Variants in JAKMIP1 observed in about 807,000 individuals in gnomAD.
The protein encoded by JAKMIP1 is janus kinase and microtubule-interacting protein 1.
A neutral mutation model predicts 113.0 loss-of-function variants in JAKMIP1; 33 were observed. The ratio of observed to expected loss-of-function variants is 0.29; its 90% confidence interval spans 0.22 to 0.39. The LOEUF (loss-of-function observed/expected upper bound fraction) is 0.39, where lower values mean the gene tolerates loss of function less well. Among genes scored for constraint, JAKMIP1 ranks in the 10% least tolerant of loss-of-function variants. The pLI is 1.00. For missense variants in JAKMIP1, 813 were observed against 1,080.5 expected (o/e 0.75, Z 3.47); for synonymous variants, 480 against 459.9 (o/e 1.04, Z -0.56).
intron 1 of JAKMIP1, among the ~76,000 whole-genome samples, chr4:6,118,414 A>G (rs1390975558): frequency 6.6e-6 from 1 of 152,038 alleles, no homozygotes; most frequent in Non-Finnish European, 1.5e-5. Flanking sequence ...GACACAGACA[A>G]ATGACATGGA....
At chr4:6,027,568 T>C (rs1336081714) in intron 20 of JAKMIP1, among the ~76,000 whole-genome samples, 1 of 152,128 alleles carries the variant, frequency 6.6e-6, no homozygotes, top group Non-Finnish European at 1.5e-5. Context: ...GAAATGAAGG[T>C]GGCATGAGGC....
intron 1 of JAKMIP1, among the ~76,000 whole-genome samples, chr4:6,120,271 A>T (rs1716511811): frequency 6.6e-6 from 1 of 151,788 alleles, no homozygotes; most frequent in South Asian, 2.1e-4. Flanking sequence ...TGTTTTAAAT[A>T]TCTAAATCCA....
chr4:6,053,842 T>G (rs1715982792), intron 13 of JAKMIP1: 2 of 1,399,282 alleles, frequency 1.4e-6, no homozygotes, highest in African/African-American at 2.9e-5. Flanking sequence ...TAGACTTGGG[T>G]GAGCACGCTC....
chr4:6,149,820 C>T (rs1721342932), intron 1 of JAKMIP1, among the ~76,000 whole-genome samples: 1 of 152,072 alleles, frequency 6.6e-6, no homozygotes, highest in South Asian at 2.1e-4. Context: ...GGCTCGAAAG[C>T]ATCTCAGCAA....
At chr4:6,039,764 C>T (rs1714070308) in intron 18 of JAKMIP1, among the ~76,000 whole-genome samples, 1 of 152,196 alleles carries the variant, frequency 6.6e-6, no homozygotes, top group South Asian at 2.1e-4. Context: ...GCTAGTTGCA[C>T]CGGCCTTCAT....
chr4:6,091,160 T>C (rs1199566058), intron 3 of JAKMIP1, among the ~76,000 whole-genome samples: 1 of 152,336 alleles, frequency 6.6e-6, no homozygotes, highest in Admixed American at 6.5e-5. Context: ...TGTGGGTGAA[T>C]AGGAGAAATG....
chr4:6,110,911 C>T (rs559957123), intron 2 of JAKMIP1, among the ~76,000 whole-genome samples: 1 of 152,064 alleles, frequency 6.6e-6, no homozygotes, highest in South Asian at 2.1e-4. Flanking sequence ...GCCCCAGCCC[C>T]AGCCCCGGAG....
At chr4:6,173,551 G>A (rs148536084) in intron 1 of JAKMIP1, among the ~76,000 whole-genome samples, 1 of 152,262 alleles carries the variant, frequency 6.6e-6, no homozygotes, top group Non-Finnish European at 1.5e-5. Flanking sequence ...ATGTCTTATT[G>A]CAAAATTCCA....
chr4:6,144,092 C>A (rs1720519176), intron 1 of JAKMIP1, among the ~76,000 whole-genome samples: 2 of 152,178 alleles, frequency 1.3e-5, no homozygotes. Context: ...AAACCATAGG[C>A]CTTTCTGGCC....
intron 1 of JAKMIP1, among the ~76,000 whole-genome samples, chr4:6,120,986 G>A (rs1237840277): frequency 6.6e-6 from 1 of 152,180 alleles, no homozygotes; most frequent in East Asian, 1.9e-4. Flanking sequence ...GATCACCTGA[G>A]ATCAGGAGTT....
At chr4:6,062,126 C>T (rs563729417) in intron 10 of JAKMIP1, among the ~76,000 whole-genome samples, 186 bp downstream of exon 10, 9 of 152,366 alleles carry the variant, frequency 5.9e-5, no homozygotes, top group African/African-American at 2.2e-4. Flanking sequence ...AGAGCGCCTG[C>T]CATCACACCG....
At position 6,094,125 on chromosome 4, in the gene JAKMIP1, A is replaced by G. The variant is rs1722483455; in HGVS notation, c.625-8496T>C. Among the ~76,000 whole-genome samples, 1 of 152,060 alleles carries G rather than the reference A, an allele frequency of 6.6e-6. No homozygotes were observed. Among genetic ancestry groups the G allele is most frequent in the African/African-American group, 2.4e-5 (1 of 41,404 alleles). On this transcript the variant is annotated intron_variant, in intron 3 of 20. Transcript: ENST00000409021. This position sits in a 1 kb window ranked among gnomAD's most constrained non-coding sequence, Gnocchi z 4.2. The stretch of plus-strand genomic sequence containing the variant: ...TGGCCCAGCAGGCATCTATATAGGG[A>G]ACATGCATCGAACACATGCCACTGT...
At chr4:6,072,917 A>G (rs1273140420) in intron 8 of JAKMIP1, among the ~76,000 whole-genome samples, 2 of 151,974 alleles carry the variant, frequency 1.3e-5, no homozygotes, top group African/African-American at 4.8e-5. Context: ...TGTCTCTACT[A>G]AAAATACAAA....
At chr4:6,078,402 C>CT (rs11451395) in intron 8 of JAKMIP1, among the ~76,000 whole-genome samples, 49,849 of 130,446 alleles carry the variant, frequency 0.38, 9,510 homozygotes, top group East Asian at 0.6. Flanking sequence ...GCAAACTATG[C>CT]TTTTTTTTTT....
rs990879779 is a variant in JAKMIP1 at position 6,193,446 on chromosome 4, G to A, written c.-148+6807C>T. ...TCTCTAGAGAACCCTGACTAATACA[G>A]ACGTGAGGGATGAAAAGAAGCCAGT... On this transcript the variant is annotated intron_variant, in intron 1 of 20. Coordinates refer to ENST00000409021, the MANE Select transcript of JAKMIP1 (RefSeq NM_001099433.2). This position sits in a 1 kb window ranked among gnomAD's most constrained non-coding sequence, Gnocchi z 6.4. 1.3e-5 allele frequency among the ~76,000 whole-genome samples: 2 copies of A among 152,268 alleles called. No individual in the cohort carries two copies. The highest frequency in any genetic ancestry group is 1.9e-4 in the East Asian group (1 of 5,184).
Position 6,112,893 on chromosome 4 carries a change from C to T in JAKMIP1, c.-43G>A. The T allele has an allele frequency of 6.3e-7, 1 of 1,596,050 alleles. No homozygotes were observed. The highest frequency in any genetic ancestry group is 8.6e-7 in the Non-Finnish European group (1 of 1,168,566). ...AGTGCTGAGATCCTGCGGTCCACACCTGTTCACGCACGCCAGCCAGCAGGC... is the reference window on the plus strand; with the variant it reads ...AGTGCTGAGATCCTGCGGTCCACACTTGTTCACGCACGCCAGCCAGCAGGC... On this transcript the variant is annotated 5_prime_UTR_variant, in exon 2 of 21. Coordinates refer to ENST00000409021, the MANE Select transcript of JAKMIP1 (RefSeq NM_001099433.2).
intron 1 of JAKMIP1, among the ~76,000 whole-genome samples, chr4:6,115,177 G>C (rs1307012228): frequency 2.6e-5 from 4 of 152,192 alleles, no homozygotes; most frequent in African/African-American, 9.7e-5. Context: ...GGGAGGCCGA[G>C]GTGGGCAGAC....
intron 2 of JAKMIP1, among the ~76,000 whole-genome samples, chr4:6,111,816 T>C (rs191839853): frequency 9.2e-5 from 14 of 152,338 alleles, no homozygotes; most frequent in African/African-American, 2.9e-4. Context: ...AACCAGGCTC[T>C]GTTCCAAGCT....
rs958569114 is a variant in JAKMIP1 at position 6,186,180 on chromosome 4, C to T, written c.-148+14073G>A. On this transcript the variant is annotated intron_variant, in intron 1 of 20. Transcript: ENST00000409021. This position sits in a 1 kb window ranked among gnomAD's most constrained non-coding sequence, Gnocchi z 5.5. ...GTGAGGGGAATGCAGGAACAGCCGA[C>T]GAGGCTTCCCTGGAGCTTGCCAGGG... Among the ~76,000 whole-genome samples the T allele has an allele frequency of 2.0e-5, 3 of 152,120 alleles. No individual in the cohort carries two copies. The highest frequency in any genetic ancestry group is 7.2e-5 in the African/African-American group (3 of 41,410).
Sources: gnomAD v4.1 joint callset for allele counts (sites outside exome capture counted in the v4.1 genomes callset) on GRCh38, gnomAD v4.1.1 for gene constraint, Gnocchi (gnomAD v3.1) non-coding constraint, MANE v1.5 for transcripts, NCBI Gene and HGNC (gene_info 2026-07-23, HGNC 2026-07-21) for gene names.